Variants in NRG1 observed in about 807,000 individuals in gnomAD.
NRG1 encodes the protein neuregulin 1.
Under a neutral mutation model 63.8 loss-of-function variants are expected in NRG1, and 18 were observed. The ratio of observed to expected loss-of-function variants is 0.28; its 90% CI spans 0.19 to 0.42. The LOEUF (loss-of-function observed/expected upper bound fraction) is 0.42, where lower values mean the gene tolerates loss of function less well. NRG1 is among the 10% of genes least tolerant of loss of function. The pLI is 1.00. For synonymous variants in NRG1, 302 were observed against 301.3 expected (o/e 1.00, Z -0.02); for missense variants, 762 against 814.7 (o/e 0.94, Z 0.79).
At chr8:31,641,889 G>A (rs1803828392) in intron 1 of NRG1, 1 of 152,012 alleles carries the variant, frequency 6.6e-6, no homozygotes, top group South Asian at 2.1e-4. Context: ...TGTCTGGTGG[G>A]GGCCAATTAT....
chr8:32,677,446 C>G (rs138018815), intron 5 of NRG1, among the ~76,000 whole-genome samples: 1 of 152,072 alleles, frequency 6.6e-6, no homozygotes, highest in Non-Finnish European at 1.5e-5. Flanking sequence ...CACTTGAGCT[C>G]AGGAGTTTGA....
chr8:32,436,599 A>G (rs1230382803), intron 1 of NRG1, among the ~76,000 whole-genome samples: 1 of 152,154 alleles, frequency 6.6e-6, no homozygotes, highest in Non-Finnish European at 1.5e-5. Context: ...CCCATCACTG[A>G]GATAACAGTC....
In NRG1 at chr8:31,818,331, A is replaced by G. The variant is rs1823654435; in HGVS notation, c.37+178900A>G. ...TATGTTTTAAGCCTTCTCCCATCAA[A>G]TAGGTTTTACGGTCTTGTGTACACA... is the stretch of plus-strand genomic sequence containing the variant. On this transcript the variant is annotated intron_variant, in intron 1 of 10. Transcript: ENST00000519301. Among the ~76,000 whole-genome samples the G allele has an allele frequency of 1.3e-5, 2 of 152,166 alleles. 1 individual carries two copies. Among genetic ancestry groups the G allele is most frequent in the South Asian group, 4.1e-4 (2 of 4,826 alleles).
chr8:32,356,192 T>C (rs907028608), intron 1 of NRG1, among the ~76,000 whole-genome samples: 1 of 152,156 alleles, frequency 6.6e-6, no homozygotes, highest in Admixed American at 6.5e-5. Context: ...AAGGGGAAGA[T>C]TTTATATCAC....
chr8:32,526,403 A>G (rs1454183819), intron 1 of NRG1, among the ~76,000 whole-genome samples: 2 of 152,170 alleles, frequency 1.3e-5, no homozygotes, highest in South Asian at 2.1e-4. Flanking sequence ...AGAAGTCACT[A>G]TTTTGTGTGA....
intron 1 of NRG1, among the ~76,000 whole-genome samples, chr8:32,284,487 C>CTGCG (rs544478325): frequency 2.2e-5 from 3 of 134,694 alleles, no homozygotes; most frequent in Non-Finnish European, 4.7e-5. Flanking sequence ...CCCTGCCTGC[C>CTGCG]TGCCTTCCTT....
chr8:31,662,682 C>T (rs548398618), intron 1 of NRG1, among the ~76,000 whole-genome samples: 5 of 152,232 alleles, frequency 3.3e-5, no homozygotes, highest in Admixed American at 2.0e-4. Context: ...AGCAGAGACT[C>T]GTTGTGTGTC....
chr8:31,738,317 A>G (rs1338012994), intron 1 of NRG1, among the ~76,000 whole-genome samples: 4 of 152,220 alleles, frequency 2.6e-5, no homozygotes, highest in Middle Eastern at 3.4e-3. Flanking sequence ...TTCAAAGGTA[A>G]GAGCTTGACT....
At chr8:32,465,601 C>T (rs546484478) in intron 1 of NRG1, among the ~76,000 whole-genome samples, 3 of 152,236 alleles carry the variant, frequency 2.0e-5, no homozygotes, top group East Asian at 1.9e-4. Context: ...AAAACACCAG[C>T]GAGCTTTCTG....
At chr8:32,248,255 C>A (rs1315362514) in intron 1 of NRG1, among the ~76,000 whole-genome samples, 2 of 151,836 alleles carry the variant, frequency 1.3e-5, no homozygotes, top group Non-Finnish European at 2.9e-5. Context: ...ACATCTGTTG[C>A]ACAAAGAAAA....
intron 3 of NRG1, among the ~76,000 whole-genome samples, chr8:32,608,938 A>G (rs906054019): frequency 9.2e-5 from 14 of 152,162 alleles, no homozygotes; most frequent in African/African-American, 3.1e-4. Context: ...GCAGACCAAG[A>G]ATCCTATTAG....
chr8:32,392,650 T>C lies in NRG1; in HGVS notation c.38-203178T>C, dbSNP rs182358991. Reference sequence around the variant, plus strand: ...GTTATTTCTGTCCTTTGGAATATTATCCAGCAGAGGGAATTTTAGGATCTA... The same window carrying C: ...GTTATTTCTGTCCTTTGGAATATTACCCAGCAGAGGGAATTTTAGGATCTA... On this transcript the variant is annotated intron_variant, in intron 1 of 10. Transcript: ENST00000519301. Among the ~76,000 whole-genome samples the C allele has an allele frequency of 5.6e-3, 847 of 152,346 alleles. 5 individuals are homozygous for C. Among genetic ancestry groups the C allele is most frequent in the Non-Finnish European group, 8.6e-3 (585 of 68,030 alleles).
intron 1 of NRG1, among the ~76,000 whole-genome samples, chr8:31,844,973 G>C (rs1014175287): frequency 2.6e-5 from 4 of 152,110 alleles, no homozygotes; most frequent in African/African-American, 9.7e-5. Context: ...TGGATGTGGT[G>C]GCGGGTGCCT....
At chr8:32,320,072 G>A (rs1034532761) in intron 1 of NRG1, among the ~76,000 whole-genome samples, 1 of 152,136 alleles carries the variant, frequency 6.6e-6, no homozygotes, top group African/African-American at 2.4e-5. Context: ...GTACGACTGT[G>A]AGCAAGTTAT....
At chr8:31,763,978 C>A (rs1586233214) in intron 1 of NRG1, among the ~76,000 whole-genome samples, 1 of 145,056 alleles carries the variant, frequency 6.9e-6, no homozygotes, top group East Asian at 2.0e-4. Flanking sequence ...CACACTCCAG[C>A]CTGGGTGACA....
chr8:31,916,407 C>A (rs2448978), intron 1 of NRG1, among the ~76,000 whole-genome samples: 101,403 of 151,762 alleles, frequency 0.67, 34,273 homozygotes, highest in East Asian at 0.92. Flanking sequence ...TCCTGTGTCC[C>A]TGTGTTCTCA....
intron 5 of NRG1, among the ~76,000 whole-genome samples, chr8:32,641,545 G>A (rs1034971667): frequency 6.6e-5 from 10 of 152,230 alleles, no homozygotes; most frequent in Middle Eastern, 3.4e-3. Flanking sequence ...TGTAACTATC[G>A]TATGCAATTA....
intron 1 of NRG1, among the ~76,000 whole-genome samples, chr8:31,922,524 C>T (rs1223739783): frequency 6.6e-6 from 1 of 152,066 alleles, no homozygotes; most frequent in Non-Finnish European, 1.5e-5. Flanking sequence ...CATAAAGTCA[C>T]CTCTATGTCA....
chr8:32,262,672 A>G (rs900102), intron 1 of NRG1, among the ~76,000 whole-genome samples: 89,030 of 151,832 alleles, frequency 0.59, 26,895 homozygotes, highest in East Asian at 0.84. Context: ...AACAATTTTG[A>G]AAAATGGGAA....
Sources: gnomAD v4.1 joint callset for allele counts (sites outside exome capture counted in the v4.1 genomes callset) on GRCh38, gnomAD v4.1.1 for gene constraint, MANE v1.5 for transcripts, NCBI Gene and HGNC (gene_info 2026-07-23, HGNC 2026-07-21) for gene names.